Variants in SMYD3 observed in about 807,000 individuals in gnomAD.
The protein encoded by SMYD3 is SET and MYND domain containing 3, also known as histone-lysine N-methyltransferase SMYD3.
A neutral mutation model predicts 57.7 loss-of-function variants in SMYD3; 36 were observed. That is an observed-to-expected ratio of 0.62 (90% CI 0.48 to 0.82). The LOEUF (loss-of-function observed/expected upper bound fraction) is 0.82. SMYD3 is among the 40% of genes least tolerant of loss of function. The pLI is 0.00. For missense variants in SMYD3, 515 were observed against 538.8 expected, an observed-to-expected ratio of 0.96 and a Z score of 0.44; for synonymous variants, 211 against 195.0, an observed-to-expected ratio of 1.08 and a Z score of -0.68.
chr1:245,777,212 C>T (rs1490261229), intron 10 of SMYD3, among the ~76,000 whole-genome samples: 1 of 152,008 alleles, frequency 6.6e-6, no homozygotes, highest in African/African-American at 2.4e-5. Context: ...TCATGTCAGG[C>T]ACTGTCCTAA....
chr1:246,137,903 A>T (rs1349962817), intron 5 of SMYD3, among the ~76,000 whole-genome samples: 1 of 152,174 alleles, frequency 6.6e-6, no homozygotes, highest in African/African-American at 2.4e-5. Context: ...ACACATTTAA[A>T]AAAAAAGGAA....
At chr1:246,069,798 C>T (rs1470773034) in intron 5 of SMYD3, among the ~76,000 whole-genome samples, 4 of 152,160 alleles carry the variant, frequency 2.6e-5, no homozygotes, top group Admixed American at 6.5e-5. Flanking sequence ...CCATTTATTC[C>T]ATTTGGGGTT....
At chr1:246,187,467 A>C (rs2062660796) in intron 5 of SMYD3, among the ~76,000 whole-genome samples, 1 of 152,216 alleles carries the variant, frequency 6.6e-6, no homozygotes, top group African/African-American at 2.4e-5. Context: ...ATAATGTTTA[A>C]AACTAATTTG....
intron 8 of SMYD3, among the ~76,000 whole-genome samples, chr1:245,889,894 C>A (rs1000996926): frequency 2.0e-5 from 3 of 152,122 alleles, no homozygotes; most frequent in Non-Finnish European, 4.4e-5. Flanking sequence ...AACAGACACA[C>A]AGACCAATGG....
intron 10 of SMYD3, among the ~76,000 whole-genome samples, chr1:245,804,500 T>C (rs1383077528): frequency 1.3e-5 from 2 of 151,958 alleles, no homozygotes; most frequent in Non-Finnish European, 1.5e-5. Flanking sequence ...GGAGCTTGCA[T>C]TGAGCTGAGA....
intron 5 of SMYD3, among the ~76,000 whole-genome samples, chr1:246,010,990 G>A (rs2059272253): frequency 6.6e-6 from 1 of 152,202 alleles, no homozygotes; most frequent in Admixed American, 6.5e-5. Context: ...GAAGACGGCT[G>A]AAGACGTCAT....
chr1:246,256,784 A>C (rs1361934207), intron 5 of SMYD3, among the ~76,000 whole-genome samples: 1 of 151,776 alleles, frequency 6.6e-6, no homozygotes, highest in East Asian at 1.9e-4. Flanking sequence ...GATCTTTCTA[A>C]CTTCCTGCGG....
At chr1:246,364,158 T>C (rs2066057799) in intron 1 of SMYD3, among the ~76,000 whole-genome samples, 1 of 145,782 alleles carries the variant, frequency 6.9e-6, no homozygotes, top group Admixed American at 7.0e-5. Flanking sequence ...TTTAGTCCCA[T>C]AAGACTCATC....
At chr1:246,169,048 T>C (rs901207881) in intron 5 of SMYD3, among the ~76,000 whole-genome samples, 70 of 152,314 alleles carry the variant, frequency 4.6e-4, no homozygotes, top group African/African-American at 1.6e-3. Context: ...TGCTTTAATA[T>C]GAAAAGAAGT....
chr1:246,314,834 G>A (rs12568362), intron 5 of SMYD3, among the ~76,000 whole-genome samples: 21,474 of 152,152 alleles, frequency 0.14, 2,062 homozygotes, highest in East Asian at 0.39. Flanking sequence ...AATGTCGAAC[G>A]ATACTATTCT....
chr1:246,103,581 T>C (rs1351802869), intron 5 of SMYD3, among the ~76,000 whole-genome samples: 3 of 152,148 alleles, frequency 2.0e-5, no homozygotes, highest in African/African-American at 7.2e-5. Context: ...GTTGAGGTCG[T>C]TATCATCTCT....
intron 1 of SMYD3, among the ~76,000 whole-genome samples, chr1:246,473,249 ATTAAG>A (rs1400312714): frequency 6.6e-6 from 1 of 152,198 alleles, no homozygotes; most frequent in African/African-American, 2.4e-5. Context: ...ACGAGAAACT[ATTAAG>A]TTAACTGGTT....
At chr1:245,995,467 G>A (rs1383242826) in intron 5 of SMYD3, among the ~76,000 whole-genome samples, 3 of 152,228 alleles carry the variant, frequency 2.0e-5, no homozygotes, top group Admixed American at 6.5e-5. Flanking sequence ...TTATGCCAAC[G>A]TGTTTGGTAA....
At chr1:246,040,211 G>A (rs971839237) in intron 5 of SMYD3, among the ~76,000 whole-genome samples, 1 of 152,142 alleles carries the variant, frequency 6.6e-6, no homozygotes, top group African/African-American at 2.4e-5. Context: ...ATACAACCGG[G>A]ATATTAATAA....
At chr1:246,370,646 A>T (rs2066179050) in intron 1 of SMYD3, among the ~76,000 whole-genome samples, 2 of 152,210 alleles carry the variant, frequency 1.3e-5, no homozygotes, top group South Asian at 4.1e-4. Flanking sequence ...GTTAAAACTG[A>T]GGCTGCTGGG....
At chr1:246,042,977 C>G (rs1475483022) in intron 5 of SMYD3, among the ~76,000 whole-genome samples, 1 of 152,118 alleles carries the variant, frequency 6.6e-6, no homozygotes, top group Non-Finnish European at 1.5e-5. Context: ...AATGAAAAAT[C>G]AAATGGTCCG....
At chr1:246,475,895 G>A (rs114467800) in intron 1 of SMYD3, among the ~76,000 whole-genome samples, 1,906 of 152,238 alleles carry the variant, frequency 0.013, 41 homozygotes, top group African/African-American at 0.044. Context: ...TATTACAGGC[G>A]TGAGCCACCA....
intron 1 of SMYD3, among the ~76,000 whole-genome samples, chr1:246,461,871 C>A (rs911583203): frequency 1.3e-5 from 2 of 152,102 alleles, no homozygotes; most frequent in Admixed American, 1.3e-4. Context: ...CGTATTCATT[C>A]TCATTTATTC....
Position 246,507,113 on chromosome 1 carries a change from G to C in SMYD3, c.105C>G (p.Pro35=). The change falls in exon 1 of 12, where the codon CCC becomes CCG. Residue 35 remains proline, a synonymous_variant. Transcript: ENST00000490107. Reference sequence around the variant, plus strand: ...TCCCCTTGCACACCGTGTACGCCAAGGGATCCGAGCGGAAGAGTAGCTCTC... The same window carrying C: ...TCCCCTTGCACACCGTGTACGCCAACGGATCCGAGCGGAAGAGTAGCTCTC... ...RPGELLFRSD[P]LAYTVCKGSR... 6.5e-7 allele frequency: 1 copy of C among 1,533,260 alleles called. No homozygotes were observed. Among genetic ancestry groups the C allele is most frequent in the Non-Finnish European group, 8.8e-7 (1 of 1,140,054 alleles). The allele number at this position is 1,533,260 out of a possible 1,614,324, so 95.0% of individuals were successfully genotyped here.
Sources: gnomAD v4.1 joint callset for allele counts (sites outside exome capture counted in the v4.1 genomes callset) on GRCh38, gnomAD v4.1.1 for gene constraint, MANE v1.5 for transcripts, NCBI Gene and HGNC (gene_info 2026-07-23, HGNC 2026-07-21) for gene names.